The following QDPR variants were observed in gnomAD, a reference collection of about 807,000 sequenced individuals.
QDPR encodes the protein dihydropteridine reductase.
QDPR carries 23 observed loss-of-function variants against 31.7 expected under a neutral mutation model. The ratio of observed to expected loss-of-function variants is 0.73; its 90% CI spans 0.52 to 1.03. QDPR has a LOEUF of 1.03. Among genes scored for constraint, QDPR ranks in the 50% least tolerant of loss-of-function variants. QDPR has a pLI of 0.00. For synonymous variants in QDPR, 124 were observed against 124.7 expected, an observed-to-expected ratio of 0.99 and a Z score of 0.03; for missense variants, 324 against 323.8, an observed-to-expected ratio of 1.00 and a Z score of 0.00.
chr4:17,511,328 C>T (rs1203487367), intron 1 of QDPR, among the ~76,000 whole-genome samples: 2 of 152,316 alleles, frequency 1.3e-5, no homozygotes, highest in East Asian at 1.9e-4. Flanking sequence ...CTTTGCAGAG[C>T]AAAGAAGCCG....
chr4:17,509,400 A>G, intron 1 of QDPR, 37 bp from the exon 2 acceptor site: 1 of 1,563,532 alleles, frequency 6.4e-7, no homozygotes, highest in Admixed American at 1.7e-5. Context: ...AGAGGCAGTG[A>G]GTTGTTATTC....
intron 5 of QDPR, among the ~76,000 whole-genome samples, chr4:17,491,549 T>A (rs1380386262): frequency 2.0e-5 from 3 of 152,076 alleles, no homozygotes; most frequent in Non-Finnish European, 4.4e-5. Flanking sequence ...TCTCTCTCTC[T>A]CACACATACA....
chr4:17,486,557 G>A lies in QDPR; in HGVS notation c.*574C>T, dbSNP rs1717962000. ...AGACAGACAACAAGTGCATTTATTA[G>A]GAACAACATTCTGAATACTCACGAG... On this transcript the variant is annotated 3_prime_UTR_variant, in exon 7 of 7. Transcript: ENST00000281243. 6.4e-6 allele frequency: 1 copy of A among 156,180 alleles called. No homozygotes were observed. The highest frequency in any genetic ancestry group is 6.1e-5 in the Admixed American group (1 of 16,328). The allele number at this position is 156,180 out of a possible 1,614,324, so 9.7% of individuals were successfully genotyped here.
intron 5 of QDPR, 89 bp downstream of exon 5, chr4:17,492,143 G>C (rs1718186248): frequency 9.7e-7 from 1 of 1,035,152 alleles, no homozygotes; most frequent in Non-Finnish European, 1.5e-6. Context: ...GCACACCCAG[G>C]TCGCCTGTGG....
At chr4:17,498,739 T>C (rs1183166855) in intron 4 of QDPR, among the ~76,000 whole-genome samples, 1 of 152,242 alleles carries the variant, frequency 6.6e-6, no homozygotes, top group Non-Finnish European at 1.5e-5. Context: ...CTGTTTGTCC[T>C]ACAGAAGACA....
intron 2 of QDPR, among the ~76,000 whole-genome samples, chr4:17,504,896 C>G (rs1020083436): frequency 6.6e-6 from 1 of 152,110 alleles, no homozygotes; most frequent in Non-Finnish European, 1.5e-5. Flanking sequence ...AGAAGATCAA[C>G]CCTGTTTTCC....
intron 3 of QDPR, among the ~76,000 whole-genome samples, chr4:17,502,555 C>A (rs992460122): frequency 2.6e-5 from 4 of 152,106 alleles, no homozygotes; most frequent in Non-Finnish European, 5.9e-5. Flanking sequence ...GGAAAAAAAC[C>A]TGATGGATCC....
chr4:17,505,003 T>C (rs1718707526), intron 2 of QDPR, among the ~76,000 whole-genome samples: 1 of 152,134 alleles, frequency 6.6e-6, no homozygotes, highest in African/African-American at 2.4e-5. Context: ...ATACAGTCAA[T>C]AGCAATATGT....
At chr4:17,500,676 T>G (rs1718530009) in intron 4 of QDPR, among the ~76,000 whole-genome samples, 1 of 152,186 alleles carries the variant, frequency 6.6e-6, no homozygotes, top group African/African-American at 2.4e-5. Flanking sequence ...TCCAGAGTTA[T>G]GAGAAAATAA....
At chr4:17,498,617 A>G (rs1718446849) in intron 4 of QDPR, among the ~76,000 whole-genome samples, 1 of 152,246 alleles carries the variant, frequency 6.6e-6, no homozygotes, top group African/African-American at 2.4e-5. Flanking sequence ...ACATTTCACT[A>G]AGAAGGTCAA....
In QDPR at chr4:17,486,506, T is replaced by C. The variant is rs1717959635; in HGVS notation, c.*625A>G. The C allele has an allele frequency of 6.5e-6, 1 of 154,112 alleles. No homozygotes were observed. The allele number at this position is 154,112 out of a possible 1,614,324, so 9.5% of individuals were successfully genotyped here. ...CTAGTATACTCATCTCTGACTGCTG[T>C]ATATAAGATGTGATTTGATTAAAGA... On this transcript the variant is annotated 3_prime_UTR_variant, in exon 7 of 7. Transcript: ENST00000281243.
chr4:17,495,655 G>T (rs778919748), intron 4 of QDPR, among the ~76,000 whole-genome samples: 2 of 152,172 alleles, frequency 1.3e-5, no homozygotes, highest in Non-Finnish European at 2.9e-5. Flanking sequence ...TTCCACAGAG[G>T]CAGGGATTTT....
In QDPR at chr4:17,509,719, T is replaced by TA. The variant is rs200967774; in HGVS notation, c.106-357dup. 6.4e-3 allele frequency among the ~76,000 whole-genome samples: 965 copies of TA among 151,256 alleles called. 4 individuals are homozygous for TA. Among genetic ancestry groups the TA allele is most frequent in the Non-Finnish European group, 0.011 (737 of 67,786 alleles). On this transcript the variant is annotated intron_variant, in intron 1 of 6. Coordinates refer to ENST00000281243, the MANE Select transcript of QDPR (RefSeq NM_000320.3). ...GAAGGAGGCCTTATCTCCATTTAAA[T>TA]AAAAGAAAAAGAAAAAGAAAGAAAA...
rs764033609 is a variant in QDPR at position 17,512,060 on chromosome 4, T to C, written c.-6A>G. The C allele has an allele frequency of 1.8e-5, 28 of 1,592,476 alleles. No homozygotes were observed. The African/African-American group carries it at 2.0e-4, about 12-fold the overall frequency. On this transcript the variant is annotated 5_prime_UTR_variant, in exon 1 of 7. Transcript: ENST00000281243. Reference sequence around the variant, plus strand: ...GCAGCCGCCGCCGCCGCCATCCTGCTCCTGCCAGCCCGGCTCCCGCAGCTC... The same window carrying C: ...GCAGCCGCCGCCGCCGCCATCCTGCCCCTGCCAGCCCGGCTCCCGCAGCTC...
rs1049581 is a variant in QDPR, at chr4:17,486,911, A to G, written c.*220T>C. ...CCTCCCTATGCAGTTAACACAGATC[A>G]ACGGATGCTATTTGCAGGCCACCAG... is the stretch of plus-strand genomic sequence containing the variant. On this transcript the variant is annotated 3_prime_UTR_variant, in exon 7 of 7. Coordinates refer to ENST00000281243, the MANE Select transcript of QDPR (RefSeq NM_000320.3). The G allele has an allele frequency of 0.68, 392,354 of 581,236 alleles. 133,810 individuals carry two copies. The highest frequency in any genetic ancestry group is 0.79 in the East Asian group (26,200 of 33,036). The allele number at this position is 581,236 out of a possible 1,614,324, so 36.0% of individuals were successfully genotyped here.
Position 17,509,264 on chromosome 4 carries a change from A to C in QDPR, c.198+7T>G, listed in dbSNP as rs1718907086. ...CTCACAATGTTTGGGGGCCTTTTTG[A>C]AACTACCTGGTCAGCCTGCTCAGTG... On this transcript the variant is annotated splice_region_variant and intron_variant, in intron 2 of 6. Coordinates refer to ENST00000281243, the MANE Select transcript of QDPR (RefSeq NM_000320.3). The C allele has an allele frequency of 6.2e-7, 1 of 1,613,162 alleles. No individual in the cohort carries two copies. The highest frequency in any genetic ancestry group is 8.5e-7 in the Non-Finnish European group (1 of 1,179,310).
intron 3 of QDPR, among the ~76,000 whole-genome samples, chr4:17,502,966 G>T (rs1201489967): frequency 1.3e-5 from 2 of 152,188 alleles, no homozygotes; most frequent in African/African-American, 4.8e-5. Context: ...CATCCCTAAG[G>T]GTAGGGCAAG....
At chr4:17,504,831 C>G (rs2597777) in intron 2 of QDPR, among the ~76,000 whole-genome samples, 44,056 of 151,960 alleles carry the variant, frequency 0.29, 6,964 homozygotes, top group South Asian at 0.4. Context: ...TAGTTAACAT[C>G]CTGGTGTATT....
chr4:17,486,812 C>T lies in QDPR; in HGVS notation c.*319G>A. On this transcript the variant is annotated 3_prime_UTR_variant, in exon 7 of 7. Transcript: ENST00000281243. ...ATCAACAAAGTAGTCAAGATGACAG[C>T]CACTGTCAAGGACAGATGAACAGTC... 3.1e-6 allele frequency: 1 copy of T among 326,994 alleles called. No homozygotes were observed. Among genetic ancestry groups the T allele is most frequent in the Non-Finnish European group, 5.7e-6 (1 of 174,558 alleles). The allele number at this position is 326,994 out of a possible 1,614,324, so 20.3% of individuals were successfully genotyped here. A position where few individuals can be genotyped will look rare whatever the true frequency, so the allele number is the denominator to read the frequency against.
Sources: gnomAD v4.1 joint callset for allele counts (sites outside exome capture counted in the v4.1 genomes callset) on GRCh38, gnomAD v4.1.1 for gene constraint, MANE v1.5 for transcripts, NCBI Gene and HGNC (gene_info 2026-07-23, HGNC 2026-07-21) for gene names.